MYLK: variants seen among roughly 807,000 people sequenced by gnomAD.
MYLK encodes myosin light chain kinase, smooth muscle.
MYLK carries 106 observed loss-of-function variants against 203.4 expected under a neutral mutation model. The observed-to-expected ratio is 0.52, with a 90% CI of 0.45 to 0.61. The LOEUF (loss-of-function observed/expected upper bound fraction) is 0.61. Among genes scored for constraint, MYLK ranks in the 20% least tolerant of loss-of-function variants. The pLI, the probability that MYLK is intolerant of heterozygous loss-of-function variation, is 0.00. For synonymous variants in MYLK, 867 were observed against 959.5 expected, an observed-to-expected ratio of 0.90 and a Z score of 1.78; for missense variants, 2,072 against 2,442.3, an observed-to-expected ratio of 0.85 and a Z score of 3.20.
At chr3:123,695,602 C>T (rs1157899678) in intron 18 of MYLK, among the ~76,000 whole-genome samples, 33 of 152,184 alleles carry the variant, frequency 2.2e-4, no homozygotes, top group Non-Finnish European at 8.8e-5. Flanking sequence ...ATGCACACAA[C>T]AAAGGGCATT....
At chr3:123,769,602 A>ATGCTGTTC (rs2063811722) in intron 4 of MYLK, among the ~76,000 whole-genome samples, 1 of 152,146 alleles carries the variant, frequency 6.6e-6, no homozygotes, top group Admixed American at 6.5e-5. Context: ...TTGATTTCCC[A>ATGCTGTTC]AACTAAGTCA....
chr3:123,620,149 C>T (rs2057770402), intron 32 of MYLK, 58 bp downstream of exon 32: 1 of 1,445,660 alleles, frequency 6.9e-7, no homozygotes, highest in East Asian at 2.3e-5. Flanking sequence ...CCTCAAAATG[C>T]CCCTTTGTTC....
intron 11 of MYLK, among the ~76,000 whole-genome samples, chr3:123,726,355 C>T (rs1373456511): frequency 1.3e-5 from 2 of 152,182 alleles, no homozygotes; most frequent in East Asian, 1.9e-4. Flanking sequence ...CTTCTCTCCT[C>T]TGTGACTCAG....
Position 123,644,214 on chromosome 3 carries a change from T to C in MYLK, c.4619+3010A>G, listed in dbSNP as rs546214283. Among the ~76,000 whole-genome samples the C allele has an allele frequency of 2.0e-5, 3 of 152,302 alleles. No homozygotes were observed. In the South Asian group the frequency reaches 6.2e-4, roughly 32 times the overall value. On this transcript the variant is annotated intron_variant, in intron 27 of 33. Coordinates refer to ENST00000360304, the MANE Select transcript of MYLK (RefSeq NM_053025.4). ...TTCTCCATCCAACAAGGTTAGCACA[T>C]TGCACTGGTGAAAATCATTCTTTCC...
intron 3 of MYLK, among the ~76,000 whole-genome samples, chr3:123,830,180 T>C (rs1465321177): frequency 6.6e-6 from 1 of 152,216 alleles, no homozygotes; most frequent in African/African-American, 2.4e-5. Context: ...ATCTTCTACC[T>C]ACGGTGCTTC....
intron 3 of MYLK, among the ~76,000 whole-genome samples, chr3:123,806,749 G>A (rs192782461): frequency 9.3e-4 from 142 of 152,000 alleles, no homozygotes; most frequent in Admixed American, 7.5e-3. Context: ...TGCAACCTCC[G>A]CATCCTGGGT....
intron 3 of MYLK, among the ~76,000 whole-genome samples, chr3:123,822,832 T>G (rs1224831921): frequency 1.3e-5 from 2 of 151,932 alleles, no homozygotes; most frequent in Non-Finnish European, 2.9e-5. Flanking sequence ...AATACACAAC[T>G]CCAAAAGTAG....
intron 3 of MYLK, among the ~76,000 whole-genome samples, chr3:123,815,272 C>T (rs1006893687): frequency 3.9e-5 from 6 of 152,160 alleles, no homozygotes; most frequent in South Asian, 4.1e-4. Flanking sequence ...CCTCAGCCTC[C>T]GTTTAAGCTT....
chr3:123,628,888 G>A (rs368230348), intron 30 of MYLK, among the ~76,000 whole-genome samples: 2 of 152,356 alleles, frequency 1.3e-5, no homozygotes, highest in South Asian at 2.1e-4. Context: ...GGAGCTGGGA[G>A]AGGGCTAAGC....
At chr3:123,817,238 G>T (rs149168200) in intron 3 of MYLK, among the ~76,000 whole-genome samples, 3 of 152,306 alleles carry the variant, frequency 2.0e-5, no homozygotes, top group African/African-American at 7.2e-5. Flanking sequence ...ACTGGGCTAA[G>T]CATCACTCTT....
At position 123,752,406 on chromosome 3, in the gene MYLK, C is replaced by T. The variant is rs1060502535; in HGVS notation, c.298G>A (p.Asp100Asn). The change falls in exon 5 of 34, where the codon GAC becomes AAC. Residue 100 changes from aspartate (D) to asparagine (N), a missense_variant. Asp to Asn is a conservative substitution (Grantham distance 23, BLOSUM62 1). Transcript: ENST00000360304. Reference sequence around the variant, plus strand: ...GCTTCACAGGTATACTTTCCCCTGTCCTCCTCATGGACAGCATGAATCACA... The same window carrying T: ...GCTTCACAGGTATACTTTCCCCTGTTCTCCTCATGGACAGCATGAATCACA... ...SLVIHAVHEEDRGKYTCEATN... is the reference protein window; with the variant it reads ...SLVIHAVHEENRGKYTCEATN... 6 of 1,614,088 alleles carry T rather than the reference C, an allele frequency of 3.7e-6. No homozygotes were observed. The highest frequency in any genetic ancestry group is 1.3e-5 in the African/African-American group (1 of 74,940).
Position 123,613,641 on chromosome 3 carries a change from G to T in MYLK, c.*464C>A. The T allele has an allele frequency of 5.1e-6, 1 of 197,658 alleles. No individual in the cohort carries two copies. Among genetic ancestry groups the T allele is most frequent in the Non-Finnish European group, 1.0e-5 (1 of 95,744 alleles). 12.2% of individuals were successfully genotyped at this position (197,658 alleles called of 1,614,324 possible). A position where few individuals can be genotyped will look rare whatever the true frequency, so the allele number is the denominator to read the frequency against. On this transcript the variant is annotated 3_prime_UTR_variant, in exon 34 of 34. Coordinates refer to ENST00000360304, the MANE Select transcript of MYLK (RefSeq NM_053025.4). ...GCTCAACTGCTTTCAGAAATGAATTGCTGGAGTACTGGGAGAAAACCCAGT... is the reference window on the plus strand; with the variant it reads ...GCTCAACTGCTTTCAGAAATGAATTTCTGGAGTACTGGGAGAAAACCCAGT...
intron 24 of MYLK, among the ~76,000 whole-genome samples, chr3:123,651,704 G>C (rs2059216839): frequency 6.6e-6 from 1 of 152,176 alleles, no homozygotes; most frequent in Non-Finnish European, 1.5e-5. Flanking sequence ...TGCCTTGAAG[G>C]GGGCATCCAG....
At chr3:123,804,147 T>C (rs2065289975) in intron 3 of MYLK, among the ~76,000 whole-genome samples, 1 of 152,172 alleles carries the variant, frequency 6.6e-6, no homozygotes. Context: ...TGGAATATAC[T>C]CCCTGTCTTT....
chr3:123,774,616 T>G (rs1489813313), intron 4 of MYLK, among the ~76,000 whole-genome samples: 4 of 152,162 alleles, frequency 2.6e-5, no homozygotes, highest in Non-Finnish European at 5.9e-5. Flanking sequence ...GTTCCAAGTA[T>G]CAAAAAGTTA....
intron 20 of MYLK, among the ~76,000 whole-genome samples, chr3:123,678,584 C>T (rs1354792124): frequency 6.6e-6 from 1 of 151,936 alleles, no homozygotes; most frequent in African/African-American, 2.4e-5. Context: ...TCAGGCTCAC[C>T]TCAGGAAAGA....
chr3:123,646,707 T>C (rs1382153698), intron 27 of MYLK, among the ~76,000 whole-genome samples: 1 of 152,094 alleles, frequency 6.6e-6, no homozygotes, highest in African/African-American at 2.4e-5. Flanking sequence ...GAGTGAGAAG[T>C]CCAAAGAGTA....
At chr3:123,718,798 G>A (rs1343182249) in intron 13 of MYLK, among the ~76,000 whole-genome samples, 1 of 152,188 alleles carries the variant, frequency 6.6e-6, no homozygotes, top group African/African-American at 2.4e-5. Context: ...GAGGCCAGGT[G>A]CTGACTGCTG....
At chr3:123,882,606 C>T (rs1388072805) in intron 1 of MYLK, among the ~76,000 whole-genome samples, 1 of 152,132 alleles carries the variant, frequency 6.6e-6, no homozygotes, top group Non-Finnish European at 1.5e-5. Context: ...TCCTTTGTAT[C>T]ATCAGTGAAC....
Sources: gnomAD v4.1 joint callset for allele counts (sites outside exome capture counted in the v4.1 genomes callset) on GRCh38, gnomAD v4.1.1 for gene constraint, MANE v1.5 for transcripts, NCBI Gene and HGNC (gene_info 2026-07-23, HGNC 2026-07-21) for gene names.